Variants in ETF1 observed in about 807,000 individuals in gnomAD.
The protein encoded by ETF1 is eukaryotic peptide chain release factor subunit 1.
In ETF1, 4 loss-of-function variants were observed where a neutral mutation model predicts 55.1. The ratio of observed to expected loss-of-function variants is 0.07; its 90% CI spans 0.04 to 0.17. ETF1 has a LOEUF of 0.17. Ranked by LOEUF, ETF1 falls within the 10% of genes least tolerant of loss-of-function variation. The pLI, the probability that ETF1 is intolerant of heterozygous loss-of-function variation, is 1.00. For missense variants in ETF1, 142 were observed against 523.6 expected, an observed-to-expected ratio of 0.27 and a Z score of 7.11; for synonymous variants, 157 against 182.3, an observed-to-expected ratio of 0.86 and a Z score of 1.12.
At position 138,517,989 on chromosome 5, in the gene ETF1, G is replaced by A. The variant is rs1765089224; in HGVS notation, c.263-289C>T. The A allele has an allele frequency of 1.8e-5, 10 of 566,624 alleles. No homozygotes were observed. In the South Asian group the frequency reaches 4.7e-4, roughly 26 times the overall value. 35.1% of individuals were successfully genotyped at this position (566,624 alleles called of 1,614,324 possible). On this transcript the variant is annotated intron_variant, in intron 3 of 10. Coordinates refer to ENST00000360541, the MANE Select transcript of ETF1 (RefSeq NM_004730.4). ...GGCCGAGGTAGGCGGATCACCTGAC[G>A]TCAGGAATTCAAGACCAACCTGGCC...
chr5:138,530,055 A>G (rs1226146118), intron 2 of ETF1, among the ~76,000 whole-genome samples: 1 of 152,106 alleles, frequency 6.6e-6, no homozygotes, highest in African/African-American at 2.4e-5. Flanking sequence ...ACCCACAAGG[A>G]TCTTAATCAA....
chr5:138,542,435 G>C (rs1261566520), intron 2 of ETF1, among the ~76,000 whole-genome samples: 2 of 152,174 alleles, frequency 1.3e-5, no homozygotes, highest in Non-Finnish European at 2.9e-5. Context: ...GAGAAATGAA[G>C]GGAGAAGAGG....
chr5:138,538,902 T>C (rs972950536), intron 2 of ETF1, among the ~76,000 whole-genome samples: 4 of 152,226 alleles, frequency 2.6e-5, no homozygotes, highest in Non-Finnish European at 5.9e-5. Flanking sequence ...TAAATCTATA[T>C]AATGTGAGGA....
At chr5:138,539,255 T>C (rs1766076404) in intron 2 of ETF1, among the ~76,000 whole-genome samples, 1 of 152,202 alleles carries the variant, frequency 6.6e-6, no homozygotes, top group Admixed American at 6.5e-5. Flanking sequence ...CTAGTTATGA[T>C]TTTATTAACA....
At position 138,543,080 on chromosome 5, in the gene ETF1, C is replaced by T. The variant is rs1766256062; in HGVS notation, c.-19+17G>A. 1 of 710,522 alleles carries T rather than the reference C, an allele frequency of 1.4e-6. No homozygotes were observed. Among genetic ancestry groups the T allele is most frequent in the African/African-American group, 1.8e-5 (1 of 55,804 alleles). The allele number at this position is 710,522 out of a possible 1,614,324, so 44.0% of individuals were successfully genotyped here. ...CTCGCCACAAAGGTCACCGGCCTTT[C>T]CCTCCCTGTGCCTTACCTAAGGGCC... On this transcript the variant is annotated intron_variant, in intron 1 of 10. Coordinates refer to ENST00000360541, the MANE Select transcript of ETF1 (RefSeq NM_004730.4).
intron 10 of ETF1, 51 bp from the exon 11 acceptor site, chr5:138,508,438 G>A: frequency 1.2e-6 from 2 of 1,608,424 alleles, no homozygotes; most frequent in East Asian, 2.2e-5. Flanking sequence ...GGATGGGCAT[G>A]TGTGTAGGTG....
At chr5:138,526,643 TCTC>T (rs1195270072) in intron 2 of ETF1, among the ~76,000 whole-genome samples, 1 of 151,932 alleles carries the variant, frequency 6.6e-6, no homozygotes, top group Non-Finnish European at 1.5e-5. Flanking sequence ...TTTAAGCAAT[TCTC>T]CTGCCTCAGC....
intron 8 of ETF1, 103 bp from the exon 9 acceptor site, chr5:138,510,732 A>ATC: frequency 6.9e-7 from 1 of 1,453,496 alleles, no homozygotes; most frequent in Non-Finnish European, 9.2e-7. Context: ...CAGGGACTCA[A>ATC]TCTCTCAACA....
At position 138,509,019 on chromosome 5, in the gene ETF1, T is replaced by C. The variant is rs139987509; in HGVS notation, c.1084-203A>G. 7.7e-3 allele frequency: 7,604 copies of C among 984,908 alleles called. 42 individuals carry two copies. Among genetic ancestry groups the C allele is most frequent in the South Asian group, 0.028 (588 of 21,266 alleles). The allele number at this position is 984,908 out of a possible 1,614,324, so 61.0% of individuals were successfully genotyped here. A position where few individuals can be genotyped will look rare whatever the true frequency, so the allele number is the denominator to read the frequency against. On this transcript the variant is annotated intron_variant, in intron 9 of 10. Coordinates refer to ENST00000360541, the MANE Select transcript of ETF1 (RefSeq NM_004730.4). The stretch of plus-strand genomic sequence containing the variant: ...AATTCGGATTATTTCAAACAACACT[T>C]CTCCTCAGGCTCTACCCTCAGCTAT...
At chr5:138,540,869 G>T (rs987609337) in intron 2 of ETF1, among the ~76,000 whole-genome samples, 4 of 152,180 alleles carry the variant, frequency 2.6e-5, no homozygotes, top group Non-Finnish European at 5.9e-5. Context: ...TAGGTAACAT[G>T]GGTAGAACAA....
intron 2 of ETF1, chr5:138,542,616 G>T: frequency 2.1e-6 from 3 of 1,418,436 alleles, no homozygotes; most frequent in Middle Eastern, 2.6e-4. Flanking sequence ...TCTAAACCGG[G>T]GAGCGCGGGC....
rs537592538 is a variant in ETF1 at position 138,517,811 on chromosome 5, T to C, written c.263-111A>G. 4.2e-5 allele frequency: 56 copies of C among 1,318,884 alleles called. No homozygotes were observed. In the East Asian group the frequency reaches 1.4e-3, roughly 34 times the overall value. 81.7% of individuals were successfully genotyped at this position (1,318,884 alleles called of 1,614,324 possible). ...CCCTGCCTGATCCTTTAAGTCATAA[T>C]TTAAATAAAGCAGAAAAAGCTTGAA... On this transcript the variant is annotated intron_variant, in intron 3 of 10. Coordinates refer to ENST00000360541, the MANE Select transcript of ETF1 (RefSeq NM_004730.4).
At chr5:138,529,469 C>T (rs73261803) in intron 2 of ETF1, 8 of 390,438 alleles carry the variant, frequency 2.0e-5, no homozygotes, top group African/African-American at 1.5e-4. Flanking sequence ...ACTCCTCTTC[C>T]GAAATCAAAG....
chr5:138,542,574 A>G (rs1580731362), intron 2 of ETF1: 1 of 1,342,242 alleles, frequency 7.5e-7, no homozygotes, highest in South Asian at 1.6e-5. Flanking sequence ...GTGCAAAAGT[A>G]GCGGTGGCCT....
chr5:138,520,658 AAAAT>A (rs1313822093), intron 2 of ETF1, among the ~76,000 whole-genome samples: 9 of 152,300 alleles, frequency 5.9e-5, no homozygotes, highest in East Asian at 1.9e-4. Flanking sequence ...ATCTGTACAA[AAAAT>A]AAATAATCAG....
At chr5:138,519,845 T>C (rs1765165226) in intron 2 of ETF1, among the ~76,000 whole-genome samples, 2 of 152,128 alleles carry the variant, frequency 1.3e-5, no homozygotes, top group African/African-American at 2.4e-5. Flanking sequence ...TGGAAGATTT[T>C]GGTTTTTTAA....
intron 4 of ETF1, among the ~76,000 whole-genome samples, chr5:138,517,337 C>T (rs1765061739): frequency 6.6e-6 from 1 of 151,668 alleles, no homozygotes; most frequent in Non-Finnish European, 1.5e-5. Context: ...TACCACTGCA[C>T]TCCAGCCTGG....
intron 2 of ETF1, among the ~76,000 whole-genome samples, chr5:138,535,476 T>C (rs1434011342): frequency 2.6e-5 from 4 of 151,262 alleles, no homozygotes; most frequent in Non-Finnish European, 4.4e-5. Context: ...TCCCAGCACT[T>C]TGGGAGGCCG....
intron 2 of ETF1, among the ~76,000 whole-genome samples, chr5:138,535,602 T>C (rs1561845552): frequency 6.6e-6 from 1 of 150,834 alleles, no homozygotes; most frequent in Non-Finnish European, 1.5e-5. Flanking sequence ...GTGCCTGTAA[T>C]CTCAGATACT....
Sources: allele counts gnomAD v4.1 joint callset (sites outside exome capture counted in the v4.1 genomes callset), GRCh38; gene constraint gnomAD v4.1.1; transcripts MANE v1.5; gene names NCBI Gene and HGNC (gene_info 2026-07-23, HGNC 2026-07-21).